The following LCOR variants were observed in gnomAD, a reference collection of about 807,000 sequenced individuals.
LCOR encodes ligand-dependent corepressor.
Under a neutral mutation model 64.4 loss-of-function variants are expected in LCOR, and 14 were observed. The ratio of observed to expected loss-of-function variants is 0.22; its 90% confidence interval spans 0.14 to 0.34. The LOEUF is 0.34. LCOR is among the 10% of genes least tolerant of loss of function. The probability of loss-of-function intolerance (pLI) is 1.00; values close to 1 mark genes in which losing one functional copy is unlikely to be tolerated. For synonymous variants in LCOR, 643 were observed against 642.5 expected (o/e 1.00, Z -0.01); for missense variants, 1,686 against 1,765.3 (o/e 0.96, Z 0.80).
chr10:96,924,629 G>A (rs919385855), intron 4 of LCOR, among the ~76,000 whole-genome samples: 3 of 151,776 alleles, frequency 2.0e-5, no homozygotes, highest in Admixed American at 6.6e-5. Flanking sequence ...ACCCTTCACC[G>A]AGATTCACCA....
intron 2 of LCOR, among the ~76,000 whole-genome samples, chr10:96,885,057 G>GTT (rs1306277249): frequency 1.3e-5 from 2 of 152,120 alleles, no homozygotes; most frequent in African/African-American, 4.8e-5. Context: ...TCTCTGAATA[G>GTT]TTTGGTCCCA....
In LCOR at chr10:96,985,026, C is replaced by T. The variant is rs780908385; in HGVS notation, c.4566C>T (p.Ala1522=). The T allele has an allele frequency of 1.9e-6, 3 of 1,614,164 alleles. No homozygotes were observed. The highest frequency in any genetic ancestry group is 2.2e-5 in the South Asian group (2 of 91,074). ...AGCAGAGTAGTGGAAAGACTCGGGC[C>T]AGACCCTCAACGAAAACCCCAGAGA... ...NRKQSSGKTR[A]RPSTKTPESS... is the part of the protein sequence containing the mutation. The change falls in exon 8 of 8, where the codon GCC becomes GCT. Residue 1522 remains alanine (A), a synonymous_variant. Transcript: ENST00000421806.
In LCOR at chr10:96,983,400, G is replaced by A. The variant is rs766547419; in HGVS notation, c.2940G>A (p.Gly980=). Residue 980 remains glycine (G), a synonymous_variant, in exon 8 of 8, where the codon GGG becomes GGA. Transcript: ENST00000421806. The surrounding 1 kb of genome is among the most constrained non-coding windows in gnomAD (Gnocchi z 4.5). ...CAGAACAGGCAAAAGAAGAGCCAGG[G>A]CATATTCCCACACAGCATGTGGAGG... ...RDPEQAKEEP[G]HIPTQHVEEA... is the part of the protein sequence containing the mutation. 6.2e-7 allele frequency: 1 copy of A among 1,614,150 alleles called. No homozygotes were observed. Among genetic ancestry groups the A allele is most frequent in the Admixed American group, 1.7e-5 (1 of 60,018 alleles).
chr10:96,852,822 G>T (rs1282999582), intron 2 of LCOR, among the ~76,000 whole-genome samples: 1 of 151,968 alleles, frequency 6.6e-6, no homozygotes, highest in Non-Finnish European at 1.5e-5. Context: ...CTCTATTTTT[G>T]TATCATTGTT....
chr10:96,973,502 T>C (rs1451552478), intron 7 of LCOR, among the ~76,000 whole-genome samples: 3 of 152,222 alleles, frequency 2.0e-5, no homozygotes, highest in African/African-American at 7.2e-5. Context: ...CTCCTGACTA[T>C]ACTTATACTT....
chr10:96,845,768 A>C (rs532114102), intron 2 of LCOR, among the ~76,000 whole-genome samples: 6 of 151,874 alleles, frequency 4.0e-5, no homozygotes, highest in African/African-American at 1.4e-4. Flanking sequence ...CACCCGGCCA[A>C]AATGGGCTTA....
intron 7 of LCOR, among the ~76,000 whole-genome samples, chr10:96,968,747 C>A (rs1020018488): frequency 6.6e-6 from 1 of 152,050 alleles, no homozygotes; most frequent in Non-Finnish European, 1.5e-5. Context: ...CCAGCCTGGA[C>A]AACATGGTGA....
At chr10:96,865,874 CAAAAAA>C (rs57814101) in intron 2 of LCOR, among the ~76,000 whole-genome samples, 1 of 89,006 alleles carries the variant, frequency 1.1e-5, no homozygotes, top group Non-Finnish European at 2.6e-5. Flanking sequence ...GACTCTGTCT[CAAAAAA>C]AAAAAAAAAA....
At chr10:96,878,742 G>A (rs1049303761) in intron 2 of LCOR, among the ~76,000 whole-genome samples, 4 of 151,984 alleles carry the variant, frequency 2.6e-5, no homozygotes, top group Admixed American at 6.6e-5. Context: ...TTCTCATTTC[G>A]TCAACTTGAT....
intron 2 of LCOR, among the ~76,000 whole-genome samples, chr10:96,883,508 A>T (rs1846296207): frequency 6.6e-6 from 1 of 152,196 alleles, no homozygotes; most frequent in East Asian, 1.9e-4. Context: ...TTTCACCAGC[A>T]TTTGGTGTTG....
At chr10:96,857,811 A>G (rs560996192) in intron 2 of LCOR, among the ~76,000 whole-genome samples, 1 of 152,302 alleles carries the variant, frequency 6.6e-6, no homozygotes, top group East Asian at 1.9e-4. Flanking sequence ...CATGTGAATA[A>G]GGTTACTTTA....
chr10:96,969,048 T>G (rs1219971695), intron 7 of LCOR, among the ~76,000 whole-genome samples: 1 of 152,366 alleles, frequency 6.6e-6, no homozygotes, highest in African/African-American at 2.4e-5. Flanking sequence ...GGTCATAGAT[T>G]TGCTATAAGG....
At chr10:96,900,800 C>T (rs572923709) in intron 2 of LCOR, among the ~76,000 whole-genome samples, 1 of 151,734 alleles carries the variant, frequency 6.6e-6, no homozygotes, top group East Asian at 1.9e-4. Flanking sequence ...TGTCTTTTAT[C>T]AATATTCATA....
chr10:96,970,712 T>C (rs1286027254), intron 7 of LCOR, among the ~76,000 whole-genome samples: 64 of 151,334 alleles, frequency 4.2e-4, no homozygotes, highest in Non-Finnish European at 5.9e-5. Flanking sequence ...CAGGCTGGAG[T>C]GAAGTGGCAT....
At chr10:96,839,950 G>T (rs1405882646) in intron 2 of LCOR, among the ~76,000 whole-genome samples, 1 of 152,142 alleles carries the variant, frequency 6.6e-6, no homozygotes, top group Non-Finnish European at 1.5e-5. Flanking sequence ...CAGAGTGCTG[G>T]GATTACAGGT....
intron 7 of LCOR, chr10:96,960,965 C>T (rs926541068): frequency 6.6e-6 from 1 of 152,022 alleles, no homozygotes; most frequent in Non-Finnish European, 1.5e-5. Flanking sequence ...CTTGCAGTCA[C>T]CTTTTAAAGA....
rs1479594125 is a variant in LCOR at position 96,842,634 on chromosome 10, T to TTC, written c.-330+9156_-330+9157insCT. Reference sequence around the variant, plus strand: ...CTTGCTTTTTTTTCTTTTCTTTTCTTTTTTTTTTTTTTTTGAGACTGAGTC... The same window carrying TTC: ...CTTGCTTTTTTTTCTTTTCTTTTCTTTCTTTTTTTTTTTTTTGAGACTGAGTC... On this transcript the variant is annotated intron_variant, in intron 2 of 7. Coordinates refer to ENST00000421806, the MANE Select transcript of LCOR (RefSeq NM_001346516.2). Among the ~76,000 whole-genome samples the TTC allele has an allele frequency of 2.1e-3, 304 of 144,872 alleles. 4 individuals carry two copies. The highest frequency in any genetic ancestry group is 7.5e-3 in the African/African-American group (290 of 38,902).
intron 2 of LCOR, among the ~76,000 whole-genome samples, chr10:96,849,061 CTTTTTTTTTTT>C (rs67974828): frequency 3.3e-4 from 11 of 33,838 alleles, no homozygotes; most frequent in Admixed American, 2.4e-3. Flanking sequence ...GGCTAATTGT[CTTTTTTTTTTT>C]TTTTTTTTTT....
chr10:96,908,761 G>C (rs998164893), intron 4 of LCOR, among the ~76,000 whole-genome samples: 2 of 151,508 alleles, frequency 1.3e-5, no homozygotes, highest in African/African-American at 4.8e-5. Flanking sequence ...TGTCATCCAG[G>C]CTGGAGTGCA....
Sources: allele counts gnomAD v4.1 joint callset (sites outside exome capture counted in the v4.1 genomes callset), GRCh38; gene constraint gnomAD v4.1.1; non-coding constraint Gnocchi (gnomAD v3.1); transcripts MANE v1.5; gene names NCBI Gene and HGNC (gene_info 2026-07-23, HGNC 2026-07-21).